Variants in CD99 observed in about 807,000 individuals in gnomAD.
CD99 encodes the protein CD99 antigen.
In CD99, 19 loss-of-function variants were observed where a neutral mutation model predicts 28.4. That is an observed-to-expected ratio of 0.67 (90% confidence interval 0.47 to 0.98). The LOEUF is 0.98. CD99 is among the 50% of genes least tolerant of loss of function. The probability of loss-of-function intolerance (pLI) is 0.00; values close to 1 mark genes in which losing one functional copy is unlikely to be tolerated. For synonymous variants in CD99, 103 were observed against 92.1 expected (o/e 1.12, Z -0.67); for missense variants, 283 against 248.8 (o/e 1.14, Z -0.92).
chrX:2,732,877 C>CCTTCTTT (rs200393507), intron 8 of CD99, among the ~76,000 whole-genome samples: 1,416 of 138,988 alleles, frequency 0.01, 7 homozygotes, highest in Middle Eastern at 0.025. Flanking sequence ...TTTCTTCCTT[C>CCTTCTTT]CTTCTTTCTT....
At position 2,692,393 on chromosome X, in the gene CD99, G is replaced by T. The variant is rs146690226; in HGVS notation, c.67+966G>T. ...TAGGAAGGAGACGCGGGAACGCCCG[G>T]CCCTGGGGAGGACGGAGGAGGCCCG... On this transcript the variant is annotated intron_variant, in intron 1 of 9. Coordinates refer to ENST00000381192, the MANE Select transcript of CD99 (RefSeq NM_002414.5). 1,197 of 172,310 alleles carry T rather than the reference G, an allele frequency of 6.9e-3. 13 individuals are homozygous for T. The highest frequency in any genetic ancestry group is 0.027 in the African/African-American group (1,124 of 41,726). The allele number at this position is 172,310 out of a possible 1,614,324, so 10.7% of individuals were successfully genotyped here. A position where few individuals can be genotyped will look rare whatever the true frequency, so the allele number is the denominator to read the frequency against.
chrX:2,719,421 G>A (rs890637424), intron 3 of CD99: 4 of 545,314 alleles, frequency 7.3e-6, no homozygotes, highest in Non-Finnish European at 1.3e-5. Context: ...TCCTCTGAGA[G>A]CTTCTCTCCT....
chrX:2,738,014 C>A (rs1207051367), intron 8 of CD99, 186 bp from the exon 9 acceptor site: 3 of 727,086 alleles, frequency 4.1e-6, no homozygotes, highest in Non-Finnish European at 5.1e-6. Flanking sequence ...AAAATACTGG[C>A]AAAGTCTTCA....
chrX:2,713,549 CAT>C (rs1439794392), intron 1 of CD99, among the ~76,000 whole-genome samples: 1 of 152,218 alleles, frequency 6.6e-6, no homozygotes, highest in East Asian at 1.9e-4. Flanking sequence ...CTCACACACA[CAT>C]ACCCCTGTGA....
At chrX:2,717,927 A>C in intron 3 of CD99, 1 of 294,288 alleles carries the variant, frequency 3.4e-6, no homozygotes, top group Non-Finnish European at 5.9e-6. Context: ...CTGTCTTTAG[A>C]TTTTCTTCCC....
chrX:2,736,384 G>A (rs1166073697), intron 8 of CD99, among the ~76,000 whole-genome samples: 7 of 151,948 alleles, frequency 4.6e-5, no homozygotes, highest in Non-Finnish European at 1.0e-4. Flanking sequence ...TGTTGAAAAC[G>A]TGGGTGTTCC....
At chrX:2,723,162 G>A (rs1440097354) in intron 6 of CD99, 152 bp from the exon 7 acceptor site, 5 of 768,576 alleles carry the variant, frequency 6.5e-6, no homozygotes, top group Admixed American at 4.0e-5. Flanking sequence ...TGCACCCTTA[G>A]AGTGTAATAG....
At chrX:2,732,876 TCC>T (rs1491121829) in intron 8 of CD99, among the ~76,000 whole-genome samples, 1 of 148,526 alleles carries the variant, frequency 6.7e-6, no homozygotes, top group African/African-American at 2.5e-5. Flanking sequence ...TTTTCTTCCT[TCC>T]TTCTTTCTTC....
At chrX:2,691,985 C>T (rs1229459976) in intron 1 of CD99, 1 of 751,518 alleles carries the variant, frequency 1.3e-6, no homozygotes, top group South Asian at 1.4e-5. Flanking sequence ...ATGCGGGCTC[C>T]GGGAATTTCA....
At chrX:2,729,774 C>G (rs181561158) in intron 8 of CD99, among the ~76,000 whole-genome samples, 1 of 152,260 alleles carries the variant, frequency 6.6e-6, no homozygotes, top group African/African-American at 2.4e-5. Flanking sequence ...GAAGCATTAT[C>G]TTTTTTTATT....
chrX:2,703,862 G>A (rs1467313273), intron 1 of CD99, among the ~76,000 whole-genome samples: 1 of 152,094 alleles, frequency 6.6e-6, no homozygotes, highest in Non-Finnish European at 1.5e-5. Context: ...GCCTTGGGGG[G>A]TGATCACTCA....
intron 8 of CD99, chrX:2,737,999 A>C (rs1374308776): frequency 1.4e-6 from 1 of 720,058 alleles, no homozygotes; most frequent in East Asian, 2.7e-5. Flanking sequence ...TGTGCCATGC[A>C]TGAAAAAATA....
intron 1 of CD99, among the ~76,000 whole-genome samples, chrX:2,692,817 T>C (rs2047393381): frequency 6.6e-6 from 1 of 152,190 alleles, no homozygotes; most frequent in African/African-American, 2.4e-5. Flanking sequence ...CTGCCTTCCT[T>C]CTTTTGCACC....
chrX:2,717,472 C>T, intron 2 of CD99, 133 bp from the exon 3 acceptor site: 1 of 718,724 alleles, frequency 1.4e-6, no homozygotes, highest in East Asian at 2.7e-5. Context: ...TCGGTGTGGG[C>T]AGGTGAGAAA....
chrX:2,732,809 T>TCCATCCCTCCCTCCTTCTTTCC (rs2049720380), intron 8 of CD99, among the ~76,000 whole-genome samples: 97 of 149,066 alleles, frequency 6.5e-4, no homozygotes, highest in African/African-American at 2.3e-3. Context: ...TTCCTTTCTT[T>TCCATCCCTCCCTCCTTCTTTCC]TTTTCCTCTC....
chrX:2,691,461 C>CT, intron 1 of CD99, 34 bp downstream of exon 1: 1 of 1,561,972 alleles, frequency 6.4e-7, no homozygotes, highest in Non-Finnish European at 8.6e-7. Context: ...TTGGGGGACG[C>CT]GGAGGGCGCG....
intron 8 of CD99, among the ~76,000 whole-genome samples, chrX:2,728,428 T>G (rs2049410764): frequency 6.6e-6 from 1 of 152,006 alleles, no homozygotes; most frequent in African/African-American, 2.4e-5. Flanking sequence ...ACTCCTGACC[T>G]TGGATGATCC....
intron 7 of CD99, among the ~76,000 whole-genome samples, chrX:2,723,700 G>A (rs1382086526): frequency 3.9e-5 from 6 of 152,136 alleles, no homozygotes; most frequent in African/African-American, 7.2e-5. Context: ...GGCTTGTGAC[G>A]CAGTATCCTC....
At chrX:2,731,435 C>CA (rs1163272316) in intron 8 of CD99, among the ~76,000 whole-genome samples, 2 of 152,084 alleles carry the variant, frequency 1.3e-5, no homozygotes, top group African/African-American at 4.8e-5. Flanking sequence ...ACTAAAAATA[C>CA]AAAAATTAGC....
Sources: gnomAD v4.1 joint callset for allele counts (sites outside exome capture counted in the v4.1 genomes callset) on GRCh38, gnomAD v4.1.1 for gene constraint, MANE v1.5 for transcripts, NCBI Gene and HGNC (gene_info 2026-07-23, HGNC 2026-07-21) for gene names.